The following IMPACT variants were observed in gnomAD, a reference collection of about 807,000 sequenced individuals.
IMPACT encodes impact RWD domain protein, also known as protein IMPACT.
Under a neutral mutation model 47.5 loss-of-function variants are expected in IMPACT, and 35 were observed. The observed-to-expected ratio is 0.74, with a 90% CI of 0.56 to 0.98. The LOEUF (loss-of-function observed/expected upper bound fraction) is 0.98, where lower values mean the gene tolerates loss of function less well. IMPACT is among the 50% of genes least tolerant of loss of function. The pLI is 0.00. For synonymous variants in IMPACT, 118 were observed against 125.6 expected, an observed-to-expected ratio of 0.94 and a Z score of 0.40; for missense variants, 373 against 394.8, an observed-to-expected ratio of 0.94 and a Z score of 0.47.
chr18:24,443,688 C>T (rs1220629304), intron 7 of IMPACT, among the ~76,000 whole-genome samples: 2 of 152,184 alleles, frequency 1.3e-5, no homozygotes, highest in Non-Finnish European at 2.9e-5. Context: ...GACAGACTGG[C>T]TAAACCAAGT....
intron 4 of IMPACT, among the ~76,000 whole-genome samples, chr18:24,436,387 A>T (rs1014176405): frequency 6.6e-6 from 1 of 151,920 alleles, no homozygotes; most frequent in African/African-American, 2.4e-5. Context: ...CTGAGATTAC[A>T]GGCACACACC....
At chr18:24,434,335 A>G (rs1371539835) in intron 4 of IMPACT, among the ~76,000 whole-genome samples, 2 of 152,174 alleles carry the variant, frequency 1.3e-5, no homozygotes, top group Admixed American at 1.3e-4. Flanking sequence ...CTCTGTCTCA[A>G]AAATAAATAT....
chr18:24,447,548 A>G (rs1909277463), intron 8 of IMPACT, among the ~76,000 whole-genome samples: 1 of 152,232 alleles, frequency 6.6e-6, no homozygotes, highest in African/African-American at 2.4e-5. Context: ...AAATCTTTAC[A>G]TTCTTAGAAG....
At chr18:24,443,189 TA>T in intron 7 of IMPACT, 37 bp downstream of exon 7, 1 of 963,352 alleles carries the variant, frequency 1.0e-6, no homozygotes, top group Non-Finnish European at 1.6e-6. Context: ...TGATGATTAC[TA>T]AAATAATTCA....
chr18:24,430,970 G>C (rs73398261), intron 4 of IMPACT, among the ~76,000 whole-genome samples: 2,931 of 152,188 alleles, frequency 0.019, 86 homozygotes, highest in African/African-American at 0.068. Context: ...ATCTATTGAT[G>C]GGCTATATTC....
intron 5 of IMPACT, among the ~76,000 whole-genome samples, 164 bp from the exon 6 acceptor site, chr18:24,440,332 A>C (rs1909066940): frequency 6.6e-6 from 1 of 152,290 alleles, no homozygotes; most frequent in South Asian, 2.1e-4. Context: ...TTCATCTTGT[A>C]GTTTCCTTGC....
Position 24,427,905 on chromosome 18 carries a change from T to C in IMPACT, c.37-14T>C, listed in dbSNP as rs769251487. 6.3e-7 allele frequency: 1 copy of C among 1,593,528 alleles called. No individual in the cohort carries two copies. The highest frequency in any genetic ancestry group is 1.4e-5 in the African/African-American group (1 of 73,544). On this transcript the variant is annotated splice_polypyrimidine_tract_variant and intron_variant, in intron 1 of 10. Transcript: ENST00000284202. ...TGTACATTTGTTGACTTTTAAAAAA[T>C]CAATTTCTTTCAGAATGAGGAAATT... is the stretch of plus-strand genomic sequence containing the variant.
At position 24,452,360 on chromosome 18, in the gene IMPACT, C is replaced by T. The variant is rs1332853704; in HGVS notation, c.*1513C>T. 6.6e-6 allele frequency: 1 copy of T among 151,914 alleles called. No individual in the cohort carries two copies. Among genetic ancestry groups the T allele is most frequent in the Non-Finnish European group, 1.5e-5 (1 of 67,986 alleles). The allele number at this position is 151,914 out of a possible 1,614,324, so 9.4% of individuals were successfully genotyped here. On this transcript the variant is annotated 3_prime_UTR_variant, in exon 11 of 11. Coordinates refer to ENST00000284202, the MANE Select transcript of IMPACT (RefSeq NM_018439.4). ...TTTTTGTGTTTGGAACACTTGGTTC[C>T]ATGAAAAGTATGCTTTGTGTTTTAA...
chr18:24,430,796 C>CT (rs1289133275), intron 4 of IMPACT, among the ~76,000 whole-genome samples: 2 of 152,158 alleles, frequency 1.3e-5, no homozygotes, highest in African/African-American at 4.8e-5. Flanking sequence ...AACAAAAACA[C>CT]TTAGCCAACT....
intron 9 of IMPACT, among the ~76,000 whole-genome samples, chr18:24,449,064 C>G (rs1043990878): frequency 1.3e-5 from 2 of 152,150 alleles, no homozygotes; most frequent in African/African-American, 2.4e-5. Flanking sequence ...TGACAAATGT[C>G]AAACTGATGA....
At chr18:24,445,354 A>G (rs763731097) in intron 7 of IMPACT, 39 bp from the exon 8 acceptor site, 1 of 1,213,900 alleles carries the variant, frequency 8.2e-7, no homozygotes, top group East Asian at 2.3e-5. Flanking sequence ...CAGAGCAAAT[A>G]TAAAAAGCAT....
intron 4 of IMPACT, among the ~76,000 whole-genome samples, chr18:24,431,148 G>A (rs2144331801): frequency 6.6e-6 from 1 of 152,232 alleles, no homozygotes; most frequent in South Asian, 2.1e-4. Flanking sequence ...AACAATAGCT[G>A]TGGTAAGTTC....
intron 9 of IMPACT, among the ~76,000 whole-genome samples, chr18:24,448,650 C>CAT (rs2144350176): frequency 6.6e-6 from 1 of 151,678 alleles, no homozygotes; most frequent in East Asian, 1.9e-4. Context: ...GTTTAGCAGC[C>CAT]ATATATTTAA....
chr18:24,449,777 A>G (rs142913347), intron 9 of IMPACT, 42 bp from the exon 10 acceptor site: 1 of 1,538,332 alleles, frequency 6.5e-7, no homozygotes, highest in Non-Finnish European at 9.0e-7. Context: ...ATATTTATAC[A>G]TGTCTGTCTA....
Position 24,449,862 on chromosome 18 carries a change from A to G in IMPACT, c.803A>G (p.Tyr268Cys), listed in dbSNP as rs370012709. The change falls in exon 10 of 11, where the codon TAT becomes TGT. Residue 268 changes from tyrosine (Y) to cysteine (C), a missense_variant. Transcript: ENST00000284202. ...GTCATGGTGGTAGTATCACGCTGGTATGGAGGGATTCTGCTAGGACCAGAT... is the reference window on the plus strand; with the variant it reads ...GTCATGGTGGTAGTATCACGCTGGTGTGGAGGGATTCTGCTAGGACCAGAT... ...KNVMVVVSRW[Y>C]GGILLGPDRF... The G allele has an allele frequency of 1.6e-5, 26 of 1,613,078 alleles. No individual in the cohort carries two copies. Among genetic ancestry groups the G allele is most frequent in the Non-Finnish European group, 2.2e-5 (26 of 1,179,346 alleles).
chr18:24,444,765 T>TA (rs1909205659), intron 7 of IMPACT, among the ~76,000 whole-genome samples: 1 of 152,248 alleles, frequency 6.6e-6, no homozygotes, highest in African/African-American at 2.4e-5. Flanking sequence ...GATGTACTTA[T>TA]AGTAGAAAAA....
At chr18:24,432,968 T>TA (rs1908795799) in intron 4 of IMPACT, among the ~76,000 whole-genome samples, 1 of 152,146 alleles carries the variant, frequency 6.6e-6, no homozygotes, top group Non-Finnish European at 1.5e-5. Context: ...CTCCTTTTAC[T>TA]AAAAGATACC....
At chr18:24,439,878 C>T (rs1467211650) in intron 5 of IMPACT, among the ~76,000 whole-genome samples, 5 of 152,112 alleles carry the variant, frequency 3.3e-5, no homozygotes, top group Non-Finnish European at 5.9e-5. Flanking sequence ...TTAACCATTG[C>T]AGTCACTGTC....
At chr18:24,434,883 T>G (rs1213342058) in intron 4 of IMPACT, among the ~76,000 whole-genome samples, 1 of 81,428 alleles carries the variant, frequency 1.2e-5, no homozygotes, top group Admixed American at 1.5e-4. Flanking sequence ...TATATATATG[T>G]GTATATATAT....
Sources: allele counts gnomAD v4.1 joint callset (sites outside exome capture counted in the v4.1 genomes callset), GRCh38; gene constraint gnomAD v4.1.1; transcripts MANE v1.5; gene names NCBI Gene and HGNC (gene_info 2026-07-23, HGNC 2026-07-21).